CREBRF: variants seen among roughly 807,000 people sequenced by gnomAD.
CREBRF encodes CREB3 regulatory factor.
A neutral mutation model predicts 66.1 loss-of-function variants in CREBRF; 5 were observed. The ratio of observed to expected loss-of-function variants is 0.08; its 90% CI spans 0.04 to 0.16. The LOEUF (loss-of-function observed/expected upper bound fraction) is 0.16. CREBRF is among the 10% of genes least tolerant of loss of function. The pLI, the probability that CREBRF is intolerant of heterozygous loss-of-function variation, is 1.00. For synonymous variants in CREBRF, 229 were observed against 264.4 expected, an observed-to-expected ratio of 0.87 and a Z score of 1.30; for missense variants, 531 against 744.9, an observed-to-expected ratio of 0.71 and a Z score of 3.34.
At chr5:173,101,451 A>G (rs866282619) in intron 4 of CREBRF, among the ~76,000 whole-genome samples, 11 of 152,054 alleles carry the variant, frequency 7.2e-5, no homozygotes, top group Admixed American at 3.9e-4. Context: ...CAGTCTTATG[A>G]GAGTTTCATT....
intron 6 of CREBRF, among the ~76,000 whole-genome samples, chr5:173,111,318 A>G (rs2113774599): frequency 6.6e-6 from 1 of 152,082 alleles, no homozygotes; most frequent in African/African-American, 2.4e-5. Flanking sequence ...TCTGTCACAC[A>G]GGCAGTGGCC....
intron 4 of CREBRF, chr5:173,092,014 G>A (rs748047411): frequency 1.3e-5 from 4 of 311,924 alleles, no homozygotes; most frequent in Non-Finnish European, 1.9e-5. Flanking sequence ...CCAGGAGGCT[G>A]AGGTTGCGGT....
At chr5:173,069,699 A>G (rs1373601406) in intron 1 of CREBRF, among the ~76,000 whole-genome samples, 1 of 152,118 alleles carries the variant, frequency 6.6e-6, no homozygotes, top group African/African-American at 2.4e-5. Context: ...CTTTTTAGGA[A>G]TGTTAGAGCC....
intron 4 of CREBRF, among the ~76,000 whole-genome samples, chr5:173,107,139 T>C (rs1250232999): frequency 3.9e-5 from 6 of 152,214 alleles, no homozygotes; most frequent in Non-Finnish European, 8.8e-5. Context: ...GAATAGTATA[T>C]AAATGGAAGC....
rs905964193 is a variant in CREBRF, at chr5:173,138,568, T to G, written c.*4823T>G. ...TGGTAACTAGTGAAGAACATCAAAG[T>G]TGGGTATTTCAATGTGCCAAGTTTG... On this transcript the variant is annotated 3_prime_UTR_variant, in exon 9 of 9. Transcript: ENST00000296953. The G allele has an allele frequency of 1.3e-5, 2 of 152,134 alleles. No homozygotes were observed. Among genetic ancestry groups the G allele is most frequent in the African/African-American group, 4.8e-5 (2 of 41,424 alleles). The allele number at this position is 152,134 out of a possible 1,614,324, so 9.4% of individuals were successfully genotyped here. A position where few individuals can be genotyped will look rare whatever the true frequency, so the allele number is the denominator to read the frequency against.
intron 1 of CREBRF, among the ~76,000 whole-genome samples, chr5:173,061,229 G>A (rs894526413): frequency 5.3e-5 from 8 of 152,268 alleles, no homozygotes; most frequent in Non-Finnish European, 8.8e-5. Flanking sequence ...GCCTCCCAAC[G>A]TGCTGGGATT....
intron 4 of CREBRF, chr5:173,091,920 A>T (rs1296368206): frequency 2.9e-6 from 1 of 347,064 alleles, no homozygotes; most frequent in African/African-American, 2.2e-5. Context: ...CCCTGTCTCT[A>T]CTAAAAATAC....
chr5:173,068,926 G>T (rs1757517186), intron 1 of CREBRF, among the ~76,000 whole-genome samples: 1 of 151,668 alleles, frequency 6.6e-6, no homozygotes, highest in Non-Finnish European at 1.5e-5. Context: ...AAAAAAATTA[G>T]CTGAGCGTGG....
chr5:173,108,529 A>G, intron 4 of CREBRF, 95 bp from the exon 5 acceptor site: 1 of 1,051,250 alleles, frequency 9.5e-7, no homozygotes, highest in Non-Finnish European at 1.4e-6. Context: ...ATGCAAGGAA[A>G]TATACCAAGT....
intron 1 of CREBRF, among the ~76,000 whole-genome samples, chr5:173,062,698 T>C (rs1163164668): frequency 6.6e-6 from 1 of 151,970 alleles, no homozygotes; most frequent in Non-Finnish European, 1.5e-5. Flanking sequence ...GGATAATTTT[T>C]CATCTACATA....
intron 1 of CREBRF, among the ~76,000 whole-genome samples, chr5:173,062,938 G>A (rs993976761): frequency 6.6e-6 from 1 of 151,682 alleles, no homozygotes; most frequent in African/African-American, 2.4e-5. Context: ...TAGTAGAGAC[G>A]GGGTTTCACC....
In CREBRF at chr5:173,135,959, A is replaced by G. The variant is rs1759580720; in HGVS notation, c.*2214A>G. On this transcript the variant is annotated 3_prime_UTR_variant, in exon 9 of 9. Coordinates refer to ENST00000296953, the MANE Select transcript of CREBRF (RefSeq NM_153607.3). ...TGATGGTTTAATAGAATGTAAGTTC[A>G]TCGTTTAAAGCTTTTCCTTTTTAGG... 6.6e-6 allele frequency: 1 copy of G among 152,482 alleles called. No individual in the cohort carries two copies. The highest frequency in any genetic ancestry group is 2.4e-5 in the African/African-American group (1 of 41,460). 9.4% of individuals were successfully genotyped at this position (152,482 alleles called of 1,614,324 possible).
chr5:173,103,558 T>C (rs793356), intron 4 of CREBRF, among the ~76,000 whole-genome samples: 73,951 of 151,970 alleles, frequency 0.49, 19,134 homozygotes, highest in Non-Finnish European at 0.58. Context: ...TTTACAAAGG[T>C]CCTTTTGTGA....
intron 2 of CREBRF, chr5:173,085,921 G>A: frequency 3.8e-6 from 4 of 1,044,142 alleles, no homozygotes; most frequent in Middle Eastern, 2.0e-4. Context: ...GGACAGTTAG[G>A]CACCCACTTT....
At chr5:173,081,612 G>A (rs1757944732) in intron 2 of CREBRF, among the ~76,000 whole-genome samples, 1 of 152,078 alleles carries the variant, frequency 6.6e-6, no homozygotes, top group South Asian at 2.1e-4. Flanking sequence ...AAGGGGACTT[G>A]GTAATAGATA....
At chr5:173,120,424 G>T (rs1222780849) in intron 7 of CREBRF, among the ~76,000 whole-genome samples, 2 of 150,486 alleles carry the variant, frequency 1.3e-5, no homozygotes, top group Non-Finnish European at 3.0e-5. Flanking sequence ...CTGTTGCTCA[G>T]GCTGGAGTGC....
intron 1 of CREBRF, among the ~76,000 whole-genome samples, chr5:173,076,322 G>A (rs2246091): frequency 0.49 from 73,609 of 151,600 alleles, 18,959 homozygotes; most frequent in Non-Finnish European, 0.58. Context: ...CTGTTAGGAT[G>A]GCATTTAAAT....
At chr5:173,129,177 C>T (rs555286741) in intron 8 of CREBRF, among the ~76,000 whole-genome samples, 10 of 122,416 alleles carry the variant, frequency 8.2e-5, no homozygotes, top group Middle Eastern at 7.7e-3. Context: ...AGTGCAGTGG[C>T]GCGATCTCGG....
chr5:173,084,045 C>T (rs1209306059), intron 2 of CREBRF, among the ~76,000 whole-genome samples: 1 of 152,104 alleles, frequency 6.6e-6, no homozygotes, highest in Admixed American at 6.5e-5. Context: ...AACAGAGGGG[C>T]AAGACAGGCT....
Sources: allele counts gnomAD v4.1 joint callset (sites outside exome capture counted in the v4.1 genomes callset), GRCh38; gene constraint gnomAD v4.1.1; transcripts MANE v1.5; gene names NCBI Gene and HGNC (gene_info 2026-07-23, HGNC 2026-07-21).